The following DDR2 variants were observed in gnomAD, a reference collection of about 807,000 sequenced individuals.
The protein encoded by DDR2 is discoidin domain receptor tyrosine kinase 2.
Under a neutral mutation model 94.9 loss-of-function variants are expected in DDR2, and 27 were observed. That is an observed-to-expected ratio of 0.28 (90% CI 0.21 to 0.39). The LOEUF (loss-of-function observed/expected upper bound fraction) is 0.39. DDR2 is among the 10% of genes least tolerant of loss of function. The probability of loss-of-function intolerance (pLI) is 1.00; values close to 1 mark genes in which losing one functional copy is unlikely to be tolerated. For synonymous variants in DDR2, 382 were observed against 377.2 expected (o/e 1.01, Z -0.15); for missense variants, 783 against 1,076.0 (o/e 0.73, Z 3.81).
intron 14 of DDR2, among the ~76,000 whole-genome samples, chr1:162,775,028 C>T (rs556506698): frequency 6.6e-6 from 1 of 152,264 alleles, no homozygotes; most frequent in African/African-American, 2.4e-5. Flanking sequence ...TGTACTCAAA[C>T]AATTATTAGT....
At chr1:162,648,415 G>T (rs1657520854) in intron 1 of DDR2, among the ~76,000 whole-genome samples, 1 of 152,116 alleles carries the variant, frequency 6.6e-6, no homozygotes, top group Admixed American at 6.5e-5. Flanking sequence ...GGAGCATGGG[G>T]AAATAACATT....
intron 1 of DDR2, among the ~76,000 whole-genome samples, chr1:162,647,195 A>G (rs1191892671): frequency 6.6e-6 from 1 of 152,254 alleles, no homozygotes; most frequent in Admixed American, 6.5e-5. Flanking sequence ...CTATCTATAA[A>G]AAAAAGAATG....
intron 2 of DDR2, among the ~76,000 whole-genome samples, chr1:162,701,464 G>T (rs1038940278): frequency 2.6e-5 from 4 of 152,364 alleles, no homozygotes; most frequent in Admixed American, 6.5e-5. Flanking sequence ...GTAAGGCTTT[G>T]ACTCTGTATC....
Position 162,780,288 on chromosome 1 carries a change from C to T in DDR2, c.*42C>T, listed in dbSNP as rs886045498. 1.2e-6 allele frequency: 2 copies of T among 1,613,002 alleles called. No individual in the cohort carries two copies. The highest frequency in any genetic ancestry group is 2.2e-5 in the South Asian group (2 of 91,052). ...CCATGTTCCTACGGCTCAGGTCCTCCCTACAAGACCTACCACTCACCCATG... is the reference window on the plus strand; with the variant it reads ...CCATGTTCCTACGGCTCAGGTCCTCTCTACAAGACCTACCACTCACCCATG... On this transcript the variant is annotated 3_prime_UTR_variant, in exon 18 of 18. Coordinates refer to ENST00000367921, the MANE Select transcript of DDR2 (RefSeq NM_006182.4).
chr1:162,680,313 G>A (rs1659341423), intron 2 of DDR2, among the ~76,000 whole-genome samples: 2 of 152,128 alleles, frequency 1.3e-5, no homozygotes, highest in African/African-American at 4.8e-5. Flanking sequence ...TTCGTATGTG[G>A]TATATAAGAT....
intron 2 of DDR2, among the ~76,000 whole-genome samples, chr1:162,708,069 A>T (rs1010894870): frequency 1.3e-5 from 2 of 152,192 alleles, no homozygotes; most frequent in African/African-American, 4.8e-5. Flanking sequence ...GGTTTCAGAG[A>T]AGGTGAGAGG....
At chr1:162,674,635 T>C (rs537999104) in intron 2 of DDR2, among the ~76,000 whole-genome samples, 2 of 152,330 alleles carry the variant, frequency 1.3e-5, no homozygotes, top group African/African-American at 2.4e-5. Context: ...TCACCAGCAA[T>C]CTCTGTTTTA....
At chr1:162,643,954 T>C (rs1286325058) in intron 1 of DDR2, among the ~76,000 whole-genome samples, 1 of 152,166 alleles carries the variant, frequency 6.6e-6, no homozygotes, top group East Asian at 1.9e-4. Context: ...AATGGCTCCA[T>C]ATTTGTTACC....
At chr1:162,746,855 G>A (rs764636874) in intron 3 of DDR2, among the ~76,000 whole-genome samples, 1 of 152,074 alleles carries the variant, frequency 6.6e-6, no homozygotes, top group African/African-American at 2.4e-5. Flanking sequence ...AGCCTGCACT[G>A]GTGATACCCA....
At chr1:162,638,519 A>G (rs962140433) in intron 1 of DDR2, among the ~76,000 whole-genome samples, 3 of 152,212 alleles carry the variant, frequency 2.0e-5, no homozygotes, top group African/African-American at 7.2e-5. Flanking sequence ...TCACACCAAT[A>G]TATGCCACTT....
chr1:162,697,221 C>T (rs17486335), intron 2 of DDR2, among the ~76,000 whole-genome samples: 9,057 of 150,526 alleles, frequency 0.06, 324 homozygotes, highest in Admixed American at 0.082. Flanking sequence ...CTTTCTTAGA[C>T]GAGATGGAGT....
intron 3 of DDR2, chr1:162,741,651 GCT>G: frequency 1.0e-6 from 1 of 985,382 alleles, no homozygotes; most frequent in African/African-American, 1.7e-5. Context: ...GCCTTGGACA[GCT>G]AGATCTTCTC....
At chr1:162,717,223 A>G (rs1219490616) in intron 2 of DDR2, among the ~76,000 whole-genome samples, 1 of 152,018 alleles carries the variant, frequency 6.6e-6, no homozygotes, top group Non-Finnish European at 1.5e-5. Flanking sequence ...TCTAACAGAG[A>G]CGGGGTTTCA....
chr1:162,729,323 T>C (rs1278222771), intron 3 of DDR2, among the ~76,000 whole-genome samples: 1 of 128,040 alleles, frequency 7.8e-6, no homozygotes. Context: ...TTTTTTTTCC[T>C]TGGGAGAATA....
chr1:162,775,109 C>G (rs1272818038), intron 14 of DDR2, among the ~76,000 whole-genome samples: 1 of 152,030 alleles, frequency 6.6e-6, no homozygotes, highest in African/African-American at 2.4e-5. Context: ...TTTCGACAGG[C>G]TACTAAATAC....
Position 162,656,859 on chromosome 1 carries a change from G to GTTT in DDR2, c.-28+1487_-28+1488insTTT, listed in dbSNP as rs200020368. ...TTTTTTTTTTTTTTTTATTTTTTTT[G>GTTT]TTAACAGGGTTTTGCTCTGTCACCC... On this transcript the variant is annotated intron_variant, in intron 2 of 17. Transcript: ENST00000367921. Among the ~76,000 whole-genome samples, 2 of 107,208 alleles carry GTTT rather than the reference G, an allele frequency of 1.9e-5. 1 individual carries two copies. The highest frequency in any genetic ancestry group is 3.6e-5 in the Non-Finnish European group (2 of 56,212). 70.3% of individuals were successfully genotyped at this position (107,208 alleles called of 152,430 possible). A position where few individuals can be genotyped will look rare whatever the true frequency, so the allele number is the denominator to read the frequency against.
intron 3 of DDR2, among the ~76,000 whole-genome samples, chr1:162,731,245 T>C (rs910332453): frequency 4.6e-5 from 7 of 152,238 alleles, no homozygotes; most frequent in Non-Finnish European, 8.8e-5. Flanking sequence ...TTTTACTTTT[T>C]GACTTGACTT....
At chr1:162,658,662 CA>C (rs796958023) in intron 2 of DDR2, among the ~76,000 whole-genome samples, 6,540 of 61,052 alleles carry the variant, frequency 0.11, 177 homozygotes, top group Non-Finnish European at 0.15. Context: ...CTTGTCTGTA[CA>C]AAAAAAAAAA....
intron 3 of DDR2, among the ~76,000 whole-genome samples, chr1:162,730,944 C>T (rs1662011779): frequency 6.6e-6 from 1 of 152,180 alleles, no homozygotes; most frequent in Non-Finnish European, 1.5e-5. Flanking sequence ...AACCCGGAGT[C>T]GGCCTCCTGC....
Sources: allele counts gnomAD v4.1 joint callset (sites outside exome capture counted in the v4.1 genomes callset), GRCh38; gene constraint gnomAD v4.1.1; transcripts MANE v1.5; gene names NCBI Gene and HGNC (gene_info 2026-07-23, HGNC 2026-07-21).